Variants in KCNK5 observed in about 807,000 individuals in gnomAD.
The protein encoded by KCNK5 is potassium channel subfamily K member 5.
In KCNK5, 18 loss-of-function variants were observed where a neutral mutation model predicts 32.9. The observed-to-expected ratio is 0.55, with a 90% CI of 0.38 to 0.81. The LOEUF (loss-of-function observed/expected upper bound fraction) is 0.81. Ranked by LOEUF, KCNK5 falls within the 30% of genes least tolerant of loss-of-function variation. The probability of loss-of-function intolerance (pLI) is 0.00; values close to 1 mark genes in which losing one functional copy is unlikely to be tolerated. For missense variants in KCNK5, 507 were observed against 651.0 expected (o/e 0.78, Z 2.41); for synonymous variants, 276 against 275.3 (o/e 1.00, Z -0.03).
intron 1 of KCNK5, among the ~76,000 whole-genome samples, chr6:39,203,115 T>TCCTG (rs1489082031): frequency 6.6e-6 from 1 of 152,120 alleles, no homozygotes; most frequent in Non-Finnish European, 1.5e-5. Flanking sequence ...GGCTGGCATG[T>TCCTG]CCTGGACAAG....
chr6:39,201,827 G>C (rs928437339), intron 1 of KCNK5, among the ~76,000 whole-genome samples: 1 of 152,190 alleles, frequency 6.6e-6, no homozygotes, highest in Non-Finnish European at 1.5e-5. Flanking sequence ...CAAAATGCCA[G>C]TACCCTCTAA....
intron 1 of KCNK5, among the ~76,000 whole-genome samples, chr6:39,207,101 A>G (rs573947911): frequency 1.1e-4 from 17 of 151,866 alleles, no homozygotes; most frequent in Admixed American, 4.6e-4. Context: ...TCAGCAGTTC[A>G]CCCCCCTGTG....
chr6:39,200,480 C>A (rs1295625192), intron 1 of KCNK5, among the ~76,000 whole-genome samples: 1 of 152,078 alleles, frequency 6.6e-6, no homozygotes, highest in Non-Finnish European at 1.5e-5. Context: ...CATTTTGCAA[C>A]TGAGGATTTG....
chr6:39,217,503 C>G (rs923708443), intron 1 of KCNK5, among the ~76,000 whole-genome samples: 1 of 152,200 alleles, frequency 6.6e-6, no homozygotes, highest in Non-Finnish European at 1.5e-5. Flanking sequence ...TTCCAAGAAG[C>G]CTTCCCTAAT....
Position 39,191,123 on chromosome 6 carries a change from C to T in KCNK5, c.1267G>A (p.Val423Met), listed in dbSNP as rs938999027. ...TCTGAGAGGCCAGCCTCCGTGTTCACGAAGGTGATGCTGGCGTCCTGGAAG... is the reference window on the plus strand; with the variant it reads ...TCTGAGAGGCCAGCCTCCGTGTTCATGAAGGTGATGCTGGCGTCCTGGAAG... The part of the protein sequence containing the change: ...LIFQDASITF[V>M]NTEAGLSDEE... Residue 423 changes from valine (V) to methionine (M), a missense_variant, in exon 5 of 5, where the codon GTG (valine) becomes ATG (methionine). Val to Met is a conservative substitution (Grantham distance 21). Coordinates refer to ENST00000359534, the MANE Select transcript of KCNK5 (RefSeq NM_003740.4). This position sits in a 1 kb window ranked among gnomAD's most constrained non-coding sequence, Gnocchi z 5.8. 6 of 1,614,068 alleles carry T rather than the reference C, an allele frequency of 3.7e-6. No homozygotes were observed. Among genetic ancestry groups the T allele is most frequent in the Middle Eastern group, 1.6e-4 (1 of 6,084 alleles).
intron 1 of KCNK5, among the ~76,000 whole-genome samples, chr6:39,224,356 A>T (rs2094178359): frequency 6.6e-6 from 1 of 152,248 alleles, no homozygotes; most frequent in Admixed American, 6.5e-5. Context: ...GGCCTGAGAC[A>T]AAGAGGGTGT....
chr6:39,213,762 G>A (rs1234391350), intron 1 of KCNK5, among the ~76,000 whole-genome samples: 1 of 152,186 alleles, frequency 6.6e-6, no homozygotes, highest in Non-Finnish European at 1.5e-5. Flanking sequence ...GGCTGAGGTG[G>A]GCGGATCATG....
chr6:39,221,705 G>A (rs1444210319), intron 1 of KCNK5, among the ~76,000 whole-genome samples: 1 of 152,160 alleles, frequency 6.6e-6, no homozygotes, highest in African/African-American at 2.4e-5. Context: ...TCTTCCTCCA[G>A]GTTAGGGGCC....
Position 39,191,860 on chromosome 6 carries a change from G to A in KCNK5, c.635-105C>T, listed in dbSNP as rs1770945041. The A allele has an allele frequency of 8.0e-7, 1 of 1,250,096 alleles. No homozygotes were observed. The highest frequency in any genetic ancestry group is 1.1e-6 in the Non-Finnish European group (1 of 895,646). 77.4% of individuals were successfully genotyped at this position (1,250,096 alleles called of 1,614,324 possible). On this transcript the variant is annotated intron_variant, in intron 4 of 4. Transcript: ENST00000359534. This position sits in a 1 kb window ranked among gnomAD's most constrained non-coding sequence, Gnocchi z 5.8. ...GAGCAGGGGTCAGGCCAGAGCACAG[G>A]ACGGGGGTGCAGTGGGATAGAAAGG...
At chr6:39,215,634 G>A (rs1771419314) in intron 1 of KCNK5, among the ~76,000 whole-genome samples, 1 of 152,200 alleles carries the variant, frequency 6.6e-6, no homozygotes, top group Admixed American at 6.5e-5. Context: ...CAAGCCATGT[G>A]GGCAAGACTA....
chr6:39,203,339 T>G (rs757551833), intron 1 of KCNK5, among the ~76,000 whole-genome samples: 4 of 152,222 alleles, frequency 2.6e-5, no homozygotes, highest in Non-Finnish European at 5.9e-5. Flanking sequence ...ACCTGATGGC[T>G]GGGAGTCAGG....
intron 1 of KCNK5, among the ~76,000 whole-genome samples, chr6:39,204,005 G>A (rs556304751): frequency 4.6e-5 from 7 of 152,324 alleles, no homozygotes; most frequent in Admixed American, 4.6e-4. Flanking sequence ...AGGGCCCAGT[G>A]GTGCCACCCT....
intron 1 of KCNK5, among the ~76,000 whole-genome samples, chr6:39,198,822 G>A (rs1375203227): frequency 1.3e-5 from 2 of 152,164 alleles, no homozygotes; most frequent in Admixed American, 6.5e-5. Context: ...GAGATGGGGT[G>A]GCTGTTTTGG....
At chr6:39,192,018 G>A (rs1583702883) in intron 4 of KCNK5, among the ~76,000 whole-genome samples, 1 of 152,196 alleles carries the variant, frequency 6.6e-6, no homozygotes, top group East Asian at 1.9e-4. Flanking sequence ...GACAGGCCAG[G>A]CATGGTGGCT....
At position 39,191,826 on chromosome 6, in the gene KCNK5, G is replaced by A. The variant is rs1583702776; in HGVS notation, c.635-71C>T. The A allele has an allele frequency of 6.6e-7, 1 of 1,513,136 alleles. No individual in the cohort carries two copies. The highest frequency in any genetic ancestry group is 1.4e-5 in the African/African-American group (1 of 72,846). 93.7% of individuals were successfully genotyped at this position (1,513,136 alleles called of 1,614,324 possible). A position where few individuals can be genotyped will look rare whatever the true frequency, so the allele number is the denominator to read the frequency against. ...CGGGAAATGTGCAATGGCCAATGCT[G>A]TGTGATCTGAGCAGGGGTCAGGCCA... On this transcript the variant is annotated intron_variant, in intron 4 of 4. Transcript: ENST00000359534. The surrounding 1 kb of genome is among the most constrained non-coding windows in gnomAD (Gnocchi z 5.8).
intron 1 of KCNK5, among the ~76,000 whole-genome samples, chr6:39,202,510 G>A (rs943700538): frequency 6.6e-6 from 1 of 152,126 alleles, no homozygotes; most frequent in African/African-American, 2.4e-5. Context: ...CAGAGGAGAG[G>A]GTTCAAGATG....
chr6:39,192,839 C>G (rs1770964944), intron 4 of KCNK5, among the ~76,000 whole-genome samples: 1 of 152,214 alleles, frequency 6.6e-6, no homozygotes, highest in South Asian at 2.1e-4. Flanking sequence ...GCCCCCTCGA[C>G]TAGATACAAG....
intron 1 of KCNK5, among the ~76,000 whole-genome samples, chr6:39,204,822 T>G (rs369590589): frequency 6.6e-6 from 1 of 152,234 alleles, no homozygotes; most frequent in Non-Finnish European, 1.5e-5. Context: ...TCCCCCAGCC[T>G]GCCCTCCTGG....
Position 39,195,914 on chromosome 6 carries a change from T to C in KCNK5, c.260A>G (p.Asn87Ser), listed in dbSNP as rs781517876. The change falls in exon 2 of 5, where the codon AAT becomes AGT. Residue 87 changes from asparagine (N) to serine (S), a missense_variant. Asn to Ser is a conservative substitution (Grantham distance 46). Transcript: ENST00000359534. ...NQTFNNWNWPNAMIFAATVIT... is the reference protein window; with the variant it reads ...NQTFNNWNWPSAMIFAATVIT... ...GACGGTCGCTGCAAAAATCATTGCA[T>C]TGGGCCAGTTCCAGTTGTTGAAGGT... 6 of 1,613,912 alleles carry C rather than the reference T, an allele frequency of 3.7e-6. No homozygotes were observed. The highest frequency in any genetic ancestry group is 3.4e-6 in the Non-Finnish European group (4 of 1,179,966).
Sources: gnomAD v4.1 joint callset for allele counts (sites outside exome capture counted in the v4.1 genomes callset) on GRCh38, gnomAD v4.1.1 for gene constraint, Gnocchi (gnomAD v3.1) non-coding constraint, MANE v1.5 for transcripts, NCBI Gene and HGNC (gene_info 2026-07-23, HGNC 2026-07-21) for gene names.